The following CPQ variants were observed in gnomAD, a reference collection of about 807,000 sequenced individuals.
CPQ encodes carboxypeptidase Q.
Under a neutral mutation model 45.7 loss-of-function variants are expected in CPQ, and 37 were observed. The ratio of observed to expected loss-of-function variants is 0.81; its 90% CI spans 0.62 to 1.07. CPQ has a LOEUF of 1.07. Ranked by LOEUF, CPQ falls within the 50% of genes least tolerant of loss-of-function variation. The probability of loss-of-function intolerance (pLI) is 0.00; values close to 1 mark genes in which losing one functional copy is unlikely to be tolerated. For synonymous variants in CPQ, 186 were observed against 205.8 expected (o/e 0.90, Z 0.82); for missense variants, 537 against 572.9 (o/e 0.94, Z 0.64).
intron 6 of CPQ, among the ~76,000 whole-genome samples, chr8:97,037,407 G>A (rs537478994): frequency 1.5e-4 from 23 of 152,206 alleles, no homozygotes; most frequent in African/African-American, 5.1e-4. Flanking sequence ...AATTGTGTCC[G>A]GACTATGTCT....
chr8:96,803,018 CACAT>C (rs137901448), intron 2 of CPQ, among the ~76,000 whole-genome samples: 2,055 of 151,932 alleles, frequency 0.014, 28 homozygotes, highest in Middle Eastern at 0.089. Flanking sequence ...CACACACACA[CACAT>C]GGCCTCTTTG....
chr8:96,838,454 G>T (rs1811560328), intron 3 of CPQ, among the ~76,000 whole-genome samples: 1 of 152,068 alleles, frequency 6.6e-6, no homozygotes, highest in Non-Finnish European at 1.5e-5. Flanking sequence ...ATTTTCCATG[G>T]TTATCCATAT....
At chr8:96,966,129 A>C in intron 5 of CPQ, 83 bp downstream of exon 5, 1 of 945,390 alleles carries the variant, frequency 1.1e-6, no homozygotes, top group South Asian at 1.5e-5. Flanking sequence ...TTAACAGATT[A>C]GTTACTATGG....
At chr8:97,080,830 A>G (rs1810934602) in intron 7 of CPQ, among the ~76,000 whole-genome samples, 1 of 152,142 alleles carries the variant, frequency 6.6e-6, no homozygotes, top group African/African-American at 2.4e-5. Context: ...TTAGTTATGC[A>G]TCTTTTGAGA....
At chr8:96,745,509 A>G (rs1810168082) in intron 1 of CPQ, among the ~76,000 whole-genome samples, 1 of 152,228 alleles carries the variant, frequency 6.6e-6, no homozygotes, top group Non-Finnish European at 1.5e-5. Context: ...TGTGCCAGGA[A>G]AATTGCTAAA....
At chr8:96,693,262 G>C (rs1809327701) in intron 1 of CPQ, among the ~76,000 whole-genome samples, 1 of 151,904 alleles carries the variant, frequency 6.6e-6, no homozygotes, top group Non-Finnish European at 1.5e-5. Context: ...AGGGAGGGGG[G>C]AGAGAGGGAG....
At chr8:96,895,278 A>G (rs1238145169) in intron 4 of CPQ, among the ~76,000 whole-genome samples, 1 of 152,236 alleles carries the variant, frequency 6.6e-6, no homozygotes, top group African/African-American at 2.4e-5. Flanking sequence ...TTGGAAATAC[A>G]TTAATTGAAA....
chr8:97,033,674 G>T (rs2130476190), intron 6 of CPQ, among the ~76,000 whole-genome samples: 1 of 151,472 alleles, frequency 6.6e-6, no homozygotes, highest in South Asian at 2.1e-4. Flanking sequence ...AATAAAGTTG[G>T]CTAAACCTAC....
At chr8:96,801,016 C>T (rs557440431) in intron 2 of CPQ, among the ~76,000 whole-genome samples, 1 of 148,542 alleles carries the variant, frequency 6.7e-6, no homozygotes, top group South Asian at 2.1e-4. Flanking sequence ...CACTCTGTCA[C>T]CCTGGCTGGA....
At chr8:97,115,010 C>T (rs1408033681) in intron 7 of CPQ, among the ~76,000 whole-genome samples, 1 of 152,192 alleles carries the variant, frequency 6.6e-6, no homozygotes. Context: ...TTTCCATCCA[C>T]AGTCCTCATT....
intron 6 of CPQ, among the ~76,000 whole-genome samples, chr8:97,047,577 T>C (rs968871423): frequency 7.2e-5 from 11 of 152,224 alleles, no homozygotes; most frequent in Non-Finnish European, 1.5e-4. Flanking sequence ...ACTTTCTTGG[T>C]ATAAAAATAA....
intron 4 of CPQ, among the ~76,000 whole-genome samples, chr8:96,884,890 A>G (rs1415862993): frequency 6.6e-6 from 1 of 152,234 alleles, no homozygotes; most frequent in African/African-American, 2.4e-5. Flanking sequence ...GTGGTGCTAA[A>G]TAACTTATAA....
intron 7 of CPQ, 130 bp downstream of exon 7, chr8:97,066,340 G>A: frequency 1.3e-6 from 1 of 780,436 alleles, no homozygotes; most frequent in South Asian, 1.8e-5. Flanking sequence ...TTTTGTTCAA[G>A]GTATAATCTG....
At chr8:97,002,370 ATCTT>A (rs2130426468) in intron 5 of CPQ, among the ~76,000 whole-genome samples, 1 of 152,088 alleles carries the variant, frequency 6.6e-6, no homozygotes, top group East Asian at 1.9e-4. Flanking sequence ...TTAACTTGAG[ATCTT>A]TCTATCTTTT....
chr8:97,078,773 C>CTCTT (rs1190953064), intron 7 of CPQ, among the ~76,000 whole-genome samples: 1 of 134,702 alleles, frequency 7.4e-6, no homozygotes, highest in Non-Finnish European at 1.5e-5. Flanking sequence ...TTCTCTCTCT[C>CTCTT]TCTCTCTCTC....
At chr8:97,018,669 T>A (rs1357282166) in intron 5 of CPQ, among the ~76,000 whole-genome samples, 1 of 152,058 alleles carries the variant, frequency 6.6e-6, no homozygotes, top group Non-Finnish European at 1.5e-5. Context: ...AGTTTTCGAA[T>A]TAAGCAAAGA....
chr8:97,070,385 A>G (rs2130535941), intron 7 of CPQ, among the ~76,000 whole-genome samples: 1 of 152,304 alleles, frequency 6.6e-6, no homozygotes, highest in Non-Finnish European at 1.5e-5. Context: ...TGCAGTGATC[A>G]GTTCTTTGAG....
chr8:96,835,047 ATTG>A lies in CPQ; in HGVS notation c.514_516del (p.Val172del). The A allele has an allele frequency of 6.2e-7, 1 of 1,613,782 alleles. No individual in the cohort carries two copies. The highest frequency in any genetic ancestry group is 2.2e-5 in the East Asian group (1 of 44,836). On this transcript the variant is annotated inframe_deletion, in exon 3 of 8. Coordinates refer to ENST00000220763, the MANE Select transcript of CPQ (RefSeq NM_016134.4). ...AAGGGCCTCAGAAGCAAGAGGGAAG[ATTG>A]TTGTTTATAACCAACCTTACATCAA... is the stretch of plus-strand genomic sequence containing the variant.
intron 4 of CPQ, among the ~76,000 whole-genome samples, chr8:96,911,069 T>C (rs1352880090): frequency 6.6e-6 from 1 of 152,158 alleles, no homozygotes; most frequent in East Asian, 1.9e-4. Context: ...ATGATGTGAA[T>C]ACTATAAGAC....
Sources: gnomAD v4.1 joint callset for allele counts (sites outside exome capture counted in the v4.1 genomes callset) on GRCh38, gnomAD v4.1.1 for gene constraint, MANE v1.5 for transcripts, NCBI Gene and HGNC (gene_info 2026-07-23, HGNC 2026-07-21) for gene names.